The following SAG variants were observed in gnomAD, a reference collection of about 807,000 sequenced individuals.
The protein encoded by SAG is S-arrestin.
In SAG, 45 loss-of-function variants were observed where a neutral mutation model predicts 55.0. The observed-to-expected ratio is 0.82, with a 90% CI of 0.64 to 1.05. The LOEUF is 1.05. SAG is among the 50% of genes least tolerant of loss of function. The pLI, the probability that SAG is intolerant of heterozygous loss-of-function variation, is 0.00. For synonymous variants in SAG, 189 were observed against 197.4 expected (o/e 0.96, Z 0.36); for missense variants, 455 against 512.1 (o/e 0.89, Z 1.08).
chr2:233,315,472 T>C (rs1700191969), intron 2 of SAG, among the ~76,000 whole-genome samples: 1 of 151,590 alleles, frequency 6.6e-6, no homozygotes, highest in African/African-American at 2.4e-5. Flanking sequence ...TTTGTGTTTT[T>C]AGTAGAGACA....
chr2:233,316,342 A>AT (rs1700217085), intron 3 of SAG, among the ~76,000 whole-genome samples: 1 of 151,734 alleles, frequency 6.6e-6, no homozygotes, highest in Non-Finnish European at 1.5e-5. Flanking sequence ...ATGGAGTTTC[A>AT]TTCTTGTTGG....
At chr2:233,315,948 C>T (rs1700206789) in intron 2 of SAG, 127 bp from the exon 3 acceptor site, 1 of 635,988 alleles carries the variant, frequency 1.6e-6, no homozygotes, top group Non-Finnish European at 2.9e-6. Flanking sequence ...GATCCGCCCG[C>T]CTTGGCCTCC....
intron 6 of SAG, among the ~76,000 whole-genome samples, chr2:233,325,483 G>T (rs1700523742): frequency 6.6e-6 from 1 of 152,078 alleles, no homozygotes; most frequent in Admixed American, 6.6e-5. Context: ...ACTGGGCTGT[G>T]TTACAAATCC....
chr2:233,339,013 A>G (rs1701021432), intron 12 of SAG, among the ~76,000 whole-genome samples: 1 of 152,250 alleles, frequency 6.6e-6, no homozygotes, highest in South Asian at 2.1e-4. Flanking sequence ...ATACGTGTGC[A>G]TATGTGCATG....
At chr2:233,334,716 A>T (rs1369944629) in intron 10 of SAG, 19 of 483,474 alleles carry the variant, frequency 3.9e-5, no homozygotes, top group Non-Finnish European at 5.3e-5. Flanking sequence ...ACATTCTAGA[A>T]ATTCAGCAAT....
intron 9 of SAG, among the ~76,000 whole-genome samples, chr2:233,330,042 C>T (rs890525930): frequency 6.6e-6 from 1 of 152,188 alleles, no homozygotes; most frequent in Non-Finnish European, 1.5e-5. Flanking sequence ...GTGACTGTCT[C>T]GGCTCAAATG....
intron 11 of SAG, among the ~76,000 whole-genome samples, chr2:233,337,232 T>C (rs1304362330): frequency 8.6e-6 from 1 of 116,014 alleles, no homozygotes; most frequent in Non-Finnish European, 1.8e-5. Flanking sequence ...CTGTCCTCTT[T>C]TAAAAATTAT....
chr2:233,338,605 G>A (rs1701008012), intron 11 of SAG, 71 bp from the exon 12 acceptor site: 2 of 1,360,796 alleles, frequency 1.5e-6, no homozygotes, highest in Middle Eastern at 2.4e-4. Flanking sequence ...GCCTCGAATG[G>A]AAAGGCTGCC....
rs183412440 is a variant in SAG at position 233,328,589 on chromosome 2, C to A, written c.624C>A (p.His208Gln). Residue 208 changes from histidine (H) to glutamine (Q), a missense_variant, in exon 8 of 16, where the codon CAC (histidine) becomes CAA (glutamine). Transcript: ENST00000409110. ...TCTTCATGTCTGACAAGCCCCTGCA[C>A]CTTGCGGTCTCTCTCAACAAAGAGG... The part of the protein sequence containing the change: ...WQFFMSDKPL[H>Q]LAVSLNKEIY... The A allele has an allele frequency of 1.2e-5, 19 of 1,613,216 alleles. No homozygotes were observed. The East Asian group carries it at 3.6e-4, about 30-fold the overall frequency.
intron 5 of SAG, 30 bp downstream of exon 5, chr2:233,320,853 C>A: frequency 6.5e-7 from 1 of 1,541,124 alleles, no homozygotes. Flanking sequence ...AGCCCTGCTT[C>A]CTTCACCCGC....
At position 233,340,618 on chromosome 2, in the gene SAG, G is replaced by A. The variant is rs111687306; in HGVS notation, c.1046+140G>A. ...GTGTTAGGAATGATGCTTTGCCTTC[G>A]GATGCATCACAGAACCGTGGCTCAT... On this transcript the variant is annotated intron_variant, in intron 13 of 15. Coordinates refer to ENST00000409110, the MANE Select transcript of SAG (RefSeq NM_000541.5). The surrounding 1 kb of genome is among the most constrained non-coding windows in gnomAD (Gnocchi z 4.2). 3.4e-3 allele frequency: 2,388 copies of A among 692,736 alleles called. 30 individuals carry two copies. The highest frequency in any genetic ancestry group is 0.034 in the East Asian group (1,179 of 34,530). The allele number at this position is 692,736 out of a possible 1,614,324, so 42.9% of individuals were successfully genotyped here. A position where few individuals can be genotyped will look rare whatever the true frequency, so the allele number is the denominator to read the frequency against.
intron 14 of SAG, 110 bp from the exon 15 acceptor site, chr2:233,346,291 TAA>T: frequency 8.5e-7 from 1 of 1,174,026 alleles, no homozygotes. Flanking sequence ...TCTCAAATTG[TAA>T]AGTCACCTAA....
At chr2:233,341,263 C>G (rs1701092576) in intron 13 of SAG, among the ~76,000 whole-genome samples, 1 of 152,224 alleles carries the variant, frequency 6.6e-6, no homozygotes, top group Non-Finnish European at 1.5e-5. Context: ...CCTGCCTCAG[C>G]ATCCTGAGTA....
intron 4 of SAG, 99 bp from the exon 5 acceptor site, chr2:233,320,531 T>C (rs1163890168): frequency 1.1e-6 from 1 of 883,770 alleles, no homozygotes; most frequent in Non-Finnish European, 1.7e-6. Flanking sequence ...CCCCTCCAGA[T>C]GCTAAAGGTT....
intron 10 of SAG, chr2:233,332,465 A>G (rs1700797052): frequency 6.6e-6 from 1 of 152,210 alleles, no homozygotes; most frequent in Non-Finnish European, 1.5e-5. Context: ...ATGAAAGACA[A>G]CTGATTCCTT....
intron 2 of SAG, among the ~76,000 whole-genome samples, chr2:233,310,241 T>C (rs530616499): frequency 2.6e-5 from 4 of 152,346 alleles, no homozygotes; most frequent in East Asian, 1.9e-4. Flanking sequence ...AAGCCACATA[T>C]GTAATTTTAA....
At chr2:233,311,511 C>T (rs6431282) in intron 2 of SAG, among the ~76,000 whole-genome samples, 22,080 of 152,086 alleles carry the variant, frequency 0.15, 2,307 homozygotes, top group African/African-American at 0.29. Context: ...ACCCTGGAGC[C>T]GGCCTCCTCT....
At chr2:233,322,870 T>A in intron 5 of SAG, 76 bp from the exon 6 acceptor site, 1 of 885,956 alleles carries the variant, frequency 1.1e-6, no homozygotes. Context: ...ATTTTCTAAT[T>A]TTTACATGAT....
chr2:233,322,953 A>C lies in SAG; in HGVS notation c.383A>C (p.Asp128Ala), dbSNP rs368490809. Residue 128 changes from aspartate to alanine, a missense_variant, in exon 6 of 16, where the codon GAC becomes GCC. Transcript: ENST00000409110. ...NTYPFLLTFP[D>A]YLPCSVMLQP... ...ATTTGTTTCTTTCCACAGTTTCCTG[A>C]CTACTTGCCCTGTTCAGTGATGTTG... is the stretch of plus-strand genomic sequence containing the variant. 24 of 1,566,134 alleles carry C rather than the reference A, an allele frequency of 1.5e-5. No individual in the cohort carries two copies. The African/African-American group carries it at 2.7e-4, about 18-fold the overall frequency.
Sources: gnomAD v4.1 joint callset for allele counts (sites outside exome capture counted in the v4.1 genomes callset) on GRCh38, gnomAD v4.1.1 for gene constraint, Gnocchi (gnomAD v3.1) non-coding constraint, MANE v1.5 for transcripts, NCBI Gene and HGNC (gene_info 2026-07-23, HGNC 2026-07-21) for gene names.